The following XKR4 variants were observed in gnomAD, a reference collection of about 807,000 sequenced individuals.
XKR4 encodes the protein XK related 4.
XKR4 carries 12 observed loss-of-function variants against 53.9 expected under a neutral mutation model. The ratio of observed to expected loss-of-function variants is 0.22; its 90% CI spans 0.14 to 0.36. XKR4 has a LOEUF of 0.36. Ranked by LOEUF, XKR4 falls within the 10% of genes least tolerant of loss-of-function variation. The pLI, the probability that XKR4 is intolerant of heterozygous loss-of-function variation, is 1.00. For missense variants in XKR4, 799 were observed against 859.5 expected (o/e 0.93, Z 0.88); for synonymous variants, 354 against 362.4 (o/e 0.98, Z 0.26).
At chr8:55,497,243 T>G (rs1274155378) in intron 2 of XKR4, among the ~76,000 whole-genome samples, 1 of 152,186 alleles carries the variant, frequency 6.6e-6, no homozygotes, top group African/African-American at 2.4e-5. Context: ...AAATAAGAGA[T>G]TGAATATAAA....
intron 1 of XKR4, among the ~76,000 whole-genome samples, chr8:55,235,703 G>A (rs974728524): frequency 2.0e-5 from 3 of 152,070 alleles, no homozygotes; most frequent in African/African-American, 7.2e-5. Context: ...CAGACCTGAA[G>A]GCAAAGCTTG....
intron 2 of XKR4, among the ~76,000 whole-genome samples, chr8:55,390,453 A>C (rs1338452462): frequency 6.6e-6 from 1 of 152,214 alleles, no homozygotes; most frequent in Non-Finnish European, 1.5e-5. Flanking sequence ...ATCAACATAC[A>C]TCATAGTTTA....
At chr8:55,196,045 A>T (rs1817500723) in intron 1 of XKR4, among the ~76,000 whole-genome samples, 1 of 152,214 alleles carries the variant, frequency 6.6e-6, no homozygotes, top group African/African-American at 2.4e-5. Context: ...TCTAGCTCTC[A>T]GAGCTGAGGG....
Position 55,466,911 on chromosome 8 carries a change from A to G in XKR4, c.1007-56370A>G, listed in dbSNP as rs531220955. On this transcript the variant is annotated intron_variant, in intron 2 of 2. Coordinates refer to ENST00000327381, the MANE Select transcript of XKR4 (RefSeq NM_052898.2). Reference sequence around the variant, plus strand: ...GCTAAGTTATTTGATTAAAAAATTTATTAGTTTTTGATTTTGCAAAACAAA... The same window carrying G: ...GCTAAGTTATTTGATTAAAAAATTTGTTAGTTTTTGATTTTGCAAAACAAA... Among the ~76,000 whole-genome samples the G allele has an allele frequency of 2.6e-5, 4 of 152,312 alleles. No homozygotes were observed. The South Asian group carries it at 8.3e-4, about 32-fold the overall frequency.
At position 55,404,382 on chromosome 8, in the gene XKR4, G is replaced by C. The variant is rs547182780; in HGVS notation, c.1006+46505G>C. Among the ~76,000 whole-genome samples, 79 of 152,276 alleles carry C rather than the reference G, an allele frequency of 5.2e-4. 1 individual carries two copies. The highest frequency in any genetic ancestry group is 9.9e-4 in the Non-Finnish European group (67 of 68,014). On this transcript the variant is annotated intron_variant, in intron 2 of 2. Coordinates refer to ENST00000327381, the MANE Select transcript of XKR4 (RefSeq NM_052898.2). ...CCCTTTGTTCCTTGATTACAGATCA[G>C]GAAATGAACCCAAAGGCTTATTTAG...
intron 2 of XKR4, among the ~76,000 whole-genome samples, chr8:55,458,456 C>T (rs535421510): frequency 3.9e-5 from 6 of 152,314 alleles, no homozygotes; most frequent in African/African-American, 4.8e-5. Context: ...TTTTGCTATC[C>T]GTGGATGGCT....
intron 2 of XKR4, among the ~76,000 whole-genome samples, chr8:55,460,024 A>C (rs1419656881): frequency 1.3e-5 from 2 of 150,188 alleles, no homozygotes; most frequent in Admixed American, 6.6e-5. Context: ...AAAAAAAAAA[A>C]CCAAATGTCC....
intron 1 of XKR4, among the ~76,000 whole-genome samples, chr8:55,131,026 G>A (rs1816546452): frequency 6.6e-6 from 1 of 152,046 alleles, no homozygotes. Flanking sequence ...AGGCATGATG[G>A]TGCACGCCGG....
intron 2 of XKR4, chr8:55,452,345 C>CTGGTGGGGGAG: frequency 1.6e-6 from 1 of 629,804 alleles, no homozygotes; most frequent in Non-Finnish European, 2.9e-6. Flanking sequence ...CCTTCTCCCC[C>CTGGTGGGGGAG]ACCAGGGGGT....
At chr8:55,359,052 T>G (rs1453604450) in intron 2 of XKR4, among the ~76,000 whole-genome samples, 1 of 152,188 alleles carries the variant, frequency 6.6e-6, no homozygotes, top group Non-Finnish European at 1.5e-5. Flanking sequence ...TAGAATAGCT[T>G]TGGTCCAAGA....
chr8:55,485,264 A>G (rs535150686), intron 2 of XKR4, among the ~76,000 whole-genome samples: 42 of 152,324 alleles, frequency 2.8e-4, no homozygotes, highest in African/African-American at 9.6e-4. Context: ...ACACTGCAAT[A>G]AGGCAAGAAA....
At chr8:55,285,387 A>T (rs1728532515) in intron 1 of XKR4, among the ~76,000 whole-genome samples, 1 of 152,176 alleles carries the variant, frequency 6.6e-6, no homozygotes, top group African/African-American at 2.4e-5. Flanking sequence ...TAAGAGATGA[A>T]TGGGAAAAAT....
At chr8:55,519,449 A>G (rs1303290719) in intron 2 of XKR4, among the ~76,000 whole-genome samples, 1 of 152,252 alleles carries the variant, frequency 6.6e-6, no homozygotes, top group Non-Finnish European at 1.5e-5. Flanking sequence ...ATGAAGAAGC[A>G]GCAGGTAAAC....
intron 1 of XKR4, among the ~76,000 whole-genome samples, chr8:55,123,487 G>A (rs1167977021): frequency 6.6e-6 from 1 of 152,218 alleles, no homozygotes; most frequent in African/African-American, 2.4e-5. Flanking sequence ...TTTGAGCCCA[G>A]AGCATAGGCT....
chr8:55,386,241 C>T (rs1804313302), intron 2 of XKR4, among the ~76,000 whole-genome samples: 1 of 152,168 alleles, frequency 6.6e-6, no homozygotes, highest in African/African-American at 2.4e-5. Flanking sequence ...ATCACCACCT[C>T]GTGAGTTCCT....
chr8:55,428,524 G>C (rs757141740), intron 2 of XKR4, among the ~76,000 whole-genome samples: 14 of 152,192 alleles, frequency 9.2e-5, no homozygotes, highest in Non-Finnish European at 1.8e-4. Flanking sequence ...TTCCACCCTG[G>C]TCAGGCTATA....
chr8:55,265,635 C>G (rs1464302060), intron 1 of XKR4, among the ~76,000 whole-genome samples: 3 of 152,076 alleles, frequency 2.0e-5, no homozygotes, highest in Admixed American at 6.6e-5. Context: ...AGGAGGATTG[C>G]TTGAGCCTAG....
chr8:55,515,469 C>T (rs1285029993), intron 2 of XKR4, among the ~76,000 whole-genome samples: 1 of 152,096 alleles, frequency 6.6e-6, no homozygotes, highest in African/African-American at 2.4e-5. Flanking sequence ...AGAGGTTCTA[C>T]TGCTTTTATA....
At chr8:55,304,278 G>A (rs182399949) in intron 1 of XKR4, among the ~76,000 whole-genome samples, 2 of 151,798 alleles carry the variant, frequency 1.3e-5, no homozygotes, top group East Asian at 1.9e-4. Context: ...TTCAGGAGCA[G>A]GTTTCAGTTT....
Sources: gnomAD v4.1 joint callset for allele counts (sites outside exome capture counted in the v4.1 genomes callset) on GRCh38, gnomAD v4.1.1 for gene constraint, MANE v1.5 for transcripts, NCBI Gene and HGNC (gene_info 2026-07-23, HGNC 2026-07-21) for gene names.